ROBO2: variants seen among roughly 807,000 people sequenced by gnomAD.
ROBO2 encodes the protein roundabout homolog 2.
A neutral mutation model predicts 160.8 loss-of-function variants in ROBO2; 53 were observed. That is an observed-to-expected ratio of 0.33 (90% confidence interval 0.26 to 0.41). ROBO2 has a LOEUF of 0.41. ROBO2 is among the 10% of genes least tolerant of loss of function. ROBO2 has a pLI of 1.00. For missense variants in ROBO2, 1,577 were observed against 1,722.4 expected, an observed-to-expected ratio of 0.92 and a Z score of 1.49; for synonymous variants, 664 against 611.7, an observed-to-expected ratio of 1.09 and a Z score of -1.26.
intron 1 of ROBO2, among the ~76,000 whole-genome samples, chr3:77,055,344 T>C (rs2065633250): frequency 6.6e-6 from 1 of 152,162 alleles, no homozygotes; most frequent in Admixed American, 6.5e-5. Flanking sequence ...TTGCATACTG[T>C]ATTGATAAAA....
intron 2 of ROBO2, among the ~76,000 whole-genome samples, chr3:76,799,072 G>T (rs1364194570): frequency 1.3e-5 from 2 of 152,020 alleles, no homozygotes; most frequent in African/African-American, 4.8e-5. Context: ...AAATTAGCTG[G>T]GCATGGTGGC....
chr3:76,900,605 G>A (rs528766215), intron 2 of ROBO2, among the ~76,000 whole-genome samples: 3 of 152,310 alleles, frequency 2.0e-5, no homozygotes, highest in African/African-American at 7.2e-5. Flanking sequence ...GAAGCAGCCT[G>A]CCAGTTAAGG....
At chr3:77,164,872 G>A (rs1373875768) in intron 2 of ROBO2, among the ~76,000 whole-genome samples, 3 of 62,924 alleles carry the variant, frequency 4.8e-5, no homozygotes, top group Non-Finnish European at 1.5e-4. Context: ...CAGCCACCCC[G>A]TCCGGGAGGG....
intron 2 of ROBO2, among the ~76,000 whole-genome samples, chr3:76,406,371 A>C (rs2078124622): frequency 6.6e-6 from 1 of 151,868 alleles, no homozygotes; most frequent in African/African-American, 2.4e-5. Context: ...ACTTTTGCCA[A>C]CTCAATTTGT....
intron 2 of ROBO2, among the ~76,000 whole-genome samples, chr3:76,481,790 C>T (rs1025725967): frequency 3.9e-5 from 6 of 152,084 alleles, no homozygotes; most frequent in African/African-American, 1.4e-4. Context: ...CGTCACTCCA[C>T]ACAGAAGTGT....
chr3:76,488,306 A>G (rs1037610843), intron 2 of ROBO2, among the ~76,000 whole-genome samples: 1 of 152,100 alleles, frequency 6.6e-6, no homozygotes, highest in African/African-American at 2.4e-5. Flanking sequence ...GCTTTCTTCC[A>G]CGCCCATTAA....
At chr3:77,200,993 C>T (rs2151018013) in intron 2 of ROBO2, among the ~76,000 whole-genome samples, 1 of 152,292 alleles carries the variant, frequency 6.6e-6, no homozygotes, top group East Asian at 1.9e-4. Context: ...AAACTTGCTA[C>T]CTCTGTCATT....
chr3:77,338,653 G>A (rs1392208562), intron 2 of ROBO2, among the ~76,000 whole-genome samples: 2 of 151,980 alleles, frequency 1.3e-5, no homozygotes, highest in African/African-American at 2.4e-5. Context: ...AAATATTGAC[G>A]TGAACATATT....
chr3:76,042,906 G>T (rs763050450), intron 2 of ROBO2, among the ~76,000 whole-genome samples: 6 of 151,970 alleles, frequency 3.9e-5, no homozygotes, highest in Admixed American at 1.3e-4. Flanking sequence ...CCTTAAAAGG[G>T]ACAGAAATTG....
At chr3:76,962,041 A>G (rs942745496) in intron 2 of ROBO2, among the ~76,000 whole-genome samples, 1 of 152,108 alleles carries the variant, frequency 6.6e-6, no homozygotes, top group Admixed American at 6.5e-5. Context: ...TCTACAAACA[A>G]TTTTAAAAGA....
intron 2 of ROBO2, among the ~76,000 whole-genome samples, chr3:76,722,264 G>T (rs182719304): frequency 6.6e-6 from 1 of 152,030 alleles, no homozygotes; most frequent in Non-Finnish European, 1.5e-5. Context: ...GGGATTACAG[G>T]TGCCTGCCAC....
At chr3:76,430,738 C>G (rs1323373772) in intron 2 of ROBO2, among the ~76,000 whole-genome samples, 1 of 151,840 alleles carries the variant, frequency 6.6e-6, no homozygotes, top group East Asian at 1.9e-4. Context: ...TCTTTTCAAC[C>G]CCAGCGTTTA....
intron 2 of ROBO2, among the ~76,000 whole-genome samples, chr3:76,843,575 G>A (rs374289311): frequency 2.0e-4 from 31 of 152,064 alleles, no homozygotes; most frequent in African/African-American, 7.0e-4. Flanking sequence ...AGATTTGCAT[G>A]ATTTTTACAT....
intron 2 of ROBO2, among the ~76,000 whole-genome samples, chr3:76,402,593 G>T (rs73840953): frequency 0.03 from 4,537 of 151,564 alleles, 139 homozygotes; most frequent in African/African-American, 0.08. Context: ...TTTCTGGAGG[G>T]TCTAAGGAAG....
chr3:76,362,013 G>A (rs2075551723), intron 2 of ROBO2, among the ~76,000 whole-genome samples: 1 of 152,034 alleles, frequency 6.6e-6, no homozygotes, highest in African/African-American at 2.4e-5. Flanking sequence ...ATTTAAATGA[G>A]TAAATGTATA....
rs547561354 is a variant in ROBO2 at position 76,118,098 on chromosome 3, C to G, written c.109+180496C>G. ...ACATGGCACATGTATACATATGTAA[C>G]AAACCTGCACGTTGTGCACATGTAC... On this transcript the variant is annotated intron_variant, in intron 2 of 26. Coordinates refer to the ROBO2 transcript ENST00000487694. Among the ~76,000 whole-genome samples, 30 of 152,084 alleles carry G rather than the reference C, an allele frequency of 2.0e-4. 1 individual carries two copies. The South Asian group carries it at 6.0e-3, about 31-fold the overall frequency.
In ROBO2 at chr3:76,779,878, A is replaced by C. The variant is rs148424286; in HGVS notation, c.110-318136A>C. Among the ~76,000 whole-genome samples the C allele has an allele frequency of 7.5e-4, 113 of 151,124 alleles. 2 individuals carry two copies. In the East Asian group the frequency reaches 0.018, roughly 24 times the overall value. On this transcript the variant is annotated intron_variant, in intron 2 of 26. Transcript: ENST00000487694. ...GAAACTGGAACTGCAGATATCTCTT[A>C]GAAATCCTGATTTCATTTCCTTTGA...
chr3:77,422,461 A>G (rs1331520852), intron 2 of ROBO2, among the ~76,000 whole-genome samples: 2 of 152,070 alleles, frequency 1.3e-5, no homozygotes, highest in African/African-American at 4.8e-5. Flanking sequence ...CCTTCAAGAC[A>G]CCATTTTTAA....
chr3:75,993,589 T>G (rs1559813355), intron 2 of ROBO2, among the ~76,000 whole-genome samples: 1 of 152,144 alleles, frequency 6.6e-6, no homozygotes, highest in Non-Finnish European at 1.5e-5. Flanking sequence ...ACTATCTAAG[T>G]CCCTTTCAGT....
Sources: allele counts gnomAD v4.1 joint callset (sites outside exome capture counted in the v4.1 genomes callset), GRCh38; gene constraint gnomAD v4.1.1; transcripts MANE v1.5; gene names NCBI Gene and HGNC (gene_info 2026-07-23, HGNC 2026-07-21).